C3orf20: variants seen among roughly 807,000 people sequenced by gnomAD.
C3orf20 encodes uncharacterized protein C3orf20.
Under a neutral mutation model 88.3 loss-of-function variants are expected in C3orf20, and 76 were observed. The observed-to-expected ratio is 0.86, with a 90% CI of 0.72 to 1.04. C3orf20 has a LOEUF of 1.04. Ranked by LOEUF, C3orf20 falls within the 50% of genes least tolerant of loss-of-function variation. The pLI, the probability that C3orf20 is intolerant of heterozygous loss-of-function variation, is 0.00. For synonymous variants in C3orf20, 436 were observed against 437.4 expected (o/e 1.00, Z 0.04); for missense variants, 1,056 against 1,123.3 (o/e 0.94, Z 0.86).
chr3:14,695,985 T>C (rs1213217921), intron 5 of C3orf20, among the ~76,000 whole-genome samples: 2 of 152,166 alleles, frequency 1.3e-5, no homozygotes, highest in Non-Finnish European at 2.9e-5. Context: ...AATGTCATTA[T>C]TAATAAGTAA....
intron 5 of C3orf20, among the ~76,000 whole-genome samples, chr3:14,698,486 G>A (rs1047829364): frequency 2.0e-5 from 3 of 152,222 alleles, no homozygotes; most frequent in African/African-American, 7.2e-5. Flanking sequence ...TGCATTAGGG[G>A]GCACCCCAAG....
chr3:14,691,516 G>C (rs762155013), intron 5 of C3orf20, among the ~76,000 whole-genome samples: 2 of 152,200 alleles, frequency 1.3e-5, no homozygotes, highest in Non-Finnish European at 2.9e-5. Context: ...CCGTATCCAG[G>C]GTTTCCCCTT....
chr3:14,732,527 C>T (rs917838463), intron 12 of C3orf20, among the ~76,000 whole-genome samples: 1 of 152,150 alleles, frequency 6.6e-6, no homozygotes, highest in Non-Finnish European at 1.5e-5. Flanking sequence ...GATTTGTTGT[C>T]ATGTCTAAAA....
At chr3:14,764,794 G>A (rs1972770) in intron 15 of C3orf20, among the ~76,000 whole-genome samples, 15,898 of 152,152 alleles carry the variant, frequency 0.1, 1,716 homozygotes, top group African/African-American at 0.27. Flanking sequence ...AAGGGCCAGC[G>A]AGAAGCTGTC....
intron 12 of C3orf20, among the ~76,000 whole-genome samples, chr3:14,737,469 A>G (rs189661980): frequency 6.6e-6 from 1 of 152,374 alleles, no homozygotes; most frequent in African/African-American, 2.4e-5. Flanking sequence ...ACAATATACT[A>G]TAGTCTATTA....
Position 14,728,505 on chromosome 3 carries a change from C to A in C3orf20, c.1757C>A (p.Ser586Tyr). ...GAATTTGTTCGGTTCAAGATGAGAT[C>A]CAGAACTCATCCCGAGCGGCTCCCC... ...EEEFVRFKMR[S>Y]RTHPERLPKL... The change falls in exon 12 of 17, where the codon TCC becomes TAC. Residue 586 changes from serine (S) to tyrosine (Y), a missense_variant. Ser to Tyr is a moderately radical substitution (Grantham distance 144). Transcript: ENST00000253697. The A allele has an allele frequency of 1.2e-6, 2 of 1,614,184 alleles. No homozygotes were observed. The highest frequency in any genetic ancestry group is 1.1e-5 in the South Asian group (1 of 91,084).
chr3:14,717,381 G>A (rs1331412888), intron 9 of C3orf20, among the ~76,000 whole-genome samples: 1 of 152,170 alleles, frequency 6.6e-6, no homozygotes, highest in Non-Finnish European at 1.5e-5. Flanking sequence ...GTGGCCCTGG[G>A]GTTGTAGCAT....
intron 1 of C3orf20, among the ~76,000 whole-genome samples, chr3:14,680,995 A>G (rs111857891): frequency 0.012 from 1,756 of 152,370 alleles, 33 homozygotes; most frequent in African/African-American, 0.038. Context: ...GGAAGCCACT[A>G]TCTGCAAACC....
At chr3:14,744,126 C>A (rs1378737734) in intron 12 of C3orf20, among the ~76,000 whole-genome samples, 1 of 152,002 alleles carries the variant, frequency 6.6e-6, no homozygotes, top group East Asian at 1.9e-4. Flanking sequence ...ACTTTATGCT[C>A]TGCTTCCCTT....
chr3:14,680,749 A>G (rs1289423779), intron 1 of C3orf20, among the ~76,000 whole-genome samples: 1 of 152,144 alleles, frequency 6.6e-6, no homozygotes, highest in Non-Finnish European at 1.5e-5. Context: ...AGTTTCCCAA[A>G]CCAGTTAATA....
chr3:14,763,622 A>G (rs753979051), intron 15 of C3orf20, among the ~76,000 whole-genome samples: 1 of 152,200 alleles, frequency 6.6e-6, no homozygotes, highest in East Asian at 1.9e-4. Flanking sequence ...TTGGCTCTAG[A>G]TGTCCTCAAA....
chr3:14,728,825 A>G (rs1428907048), intron 12 of C3orf20, 137 bp downstream of exon 12: 1 of 756,740 alleles, frequency 1.3e-6, no homozygotes, highest in Non-Finnish European at 2.1e-6. Context: ...GGAGATAAAC[A>G]CATGAATAAA....
In C3orf20 at chr3:14,772,579, A is replaced by T. The variant is rs1166919683; in HGVS notation, c.2631-212A>T. On this transcript the variant is annotated intron_variant, in intron 16 of 16. Coordinates refer to ENST00000253697, the MANE Select transcript of C3orf20 (RefSeq NM_032137.5). This position sits in a 1 kb window ranked among gnomAD's most constrained non-coding sequence, Gnocchi z 4.2. ...GAATCACACATTCGGCATGGCGTGG[A>T]AATCACATATTTCTCATGAAGATAG... 1.3e-5 allele frequency among the ~76,000 whole-genome samples: 2 copies of T among 152,252 alleles called. No individual in the cohort carries two copies. The highest frequency in any genetic ancestry group is 4.8e-5 in the African/African-American group (2 of 41,474).
chr3:14,726,892 C>G lies in C3orf20; in HGVS notation c.1567-9C>G, dbSNP rs373911977. On this transcript the variant is annotated splice_polypyrimidine_tract_variant and intron_variant, in intron 10 of 16. Coordinates refer to ENST00000253697, the MANE Select transcript of C3orf20 (RefSeq NM_032137.5). ...GGTGACACCCGCCCTCCCCTTTGCCCCTCTCCAGCTGAACCGCAGAATCAG... is the reference window on the plus strand; with the variant it reads ...GGTGACACCCGCCCTCCCCTTTGCCGCTCTCCAGCTGAACCGCAGAATCAG... 3.7e-6 allele frequency: 6 copies of G among 1,613,818 alleles called. No individual in the cohort carries two copies. In the Admixed American group the frequency reaches 1.0e-4, roughly 27 times the overall value.
chr3:14,771,655 A>T (rs2035860811), intron 15 of C3orf20, among the ~76,000 whole-genome samples: 1 of 152,190 alleles, frequency 6.6e-6, no homozygotes, highest in Admixed American at 6.5e-5. Context: ...CTATTTCCAA[A>T]TAAGGCCACG....
rs1428242996 is a variant in C3orf20, at chr3:14,772,683, AC to A, written c.2631-106del. 4.9e-6 allele frequency: 4 copies of A among 820,472 alleles called. No individual in the cohort carries two copies. The highest frequency in any genetic ancestry group is 8.1e-6 in the Non-Finnish European group (4 of 492,954). The allele number at this position is 820,472 out of a possible 1,614,324, so 50.8% of individuals were successfully genotyped here. The stretch of plus-strand genomic sequence containing the variant: ...GGTTGGAACAGCACCCAACAGCCTC[AC>A]CTGTGCAAGGGAGAGGGCCTTGCCC... On this transcript the variant is annotated intron_variant, in intron 16 of 16. Coordinates refer to ENST00000253697, the MANE Select transcript of C3orf20 (RefSeq NM_032137.5). This position sits in a 1 kb window ranked among gnomAD's most constrained non-coding sequence, Gnocchi z 4.2.
At position 14,703,183 on chromosome 3, in the gene C3orf20, G is replaced by C. The variant is rs1228829914; in HGVS notation, c.799G>C (p.Gly267Arg). 6.2e-7 allele frequency: 1 copy of C among 1,614,128 alleles called. No individual in the cohort carries two copies. The highest frequency in any genetic ancestry group is 1.1e-5 in the South Asian group (1 of 91,088). Reference sequence around the variant, plus strand: ...CATGCCGCCCCTGCATCGAGGAGTGGGAACCCCTGCCAACAGCCTGGAGTT... The same window carrying C: ...CATGCCGCCCCTGCATCGAGGAGTGCGAACCCCTGCCAACAGCCTGGAGTT... The part of the protein sequence containing the change: ...VSMPPLHRGV[G>R]TPANSLEFSD... The change falls in exon 6 of 17, where the codon GGA becomes CGA. Residue 267 changes from glycine (G) to arginine (R), a missense_variant. By Grantham distance (125) the Gly-to-Arg change is moderately radical (BLOSUM62 -2). Coordinates refer to ENST00000253697, the MANE Select transcript of C3orf20 (RefSeq NM_032137.5).
intron 12 of C3orf20, among the ~76,000 whole-genome samples, chr3:14,750,276 G>A (rs775234747): frequency 7.9e-5 from 12 of 152,144 alleles, no homozygotes; most frequent in Non-Finnish European, 1.3e-4. Context: ...GAGGCTGGGT[G>A]CAGTGGCTCA....
intron 9 of C3orf20, among the ~76,000 whole-genome samples, chr3:14,715,936 A>T (rs2033924152): frequency 6.6e-6 from 1 of 152,086 alleles, no homozygotes; most frequent in South Asian, 2.1e-4. Context: ...TTTATTAAAT[A>T]ACAAATAATA....
Sources: gnomAD v4.1 joint callset for allele counts (sites outside exome capture counted in the v4.1 genomes callset) on GRCh38, gnomAD v4.1.1 for gene constraint, Gnocchi (gnomAD v3.1) non-coding constraint, MANE v1.5 for transcripts, NCBI Gene and HGNC (gene_info 2026-07-23, HGNC 2026-07-21) for gene names.